The following ABCG5 variants were observed in gnomAD, a reference collection of about 807,000 sequenced individuals.
The protein encoded by ABCG5 is ATP-binding cassette sub-family G member 5.
Under a neutral mutation model 64.5 loss-of-function variants are expected in ABCG5, and 64 were observed. The observed-to-expected ratio is 0.99, with a 90% CI of 0.81 to 1.22. ABCG5 has a LOEUF of 1.22. ABCG5 is among the 50% of genes most tolerant of loss of function. The probability of loss-of-function intolerance (pLI) is 0.00; values close to 1 mark genes in which losing one functional copy is unlikely to be tolerated. For synonymous variants in ABCG5, 385 were observed against 326.3 expected, an observed-to-expected ratio of 1.18 and a Z score of -1.94; for missense variants, 908 against 829.5, an observed-to-expected ratio of 1.09 and a Z score of -1.16.
At chr2:43,819,504 T>G (rs1455954659) in intron 11 of ABCG5, among the ~76,000 whole-genome samples, 1 of 151,774 alleles carries the variant, frequency 6.6e-6, no homozygotes, top group East Asian at 1.9e-4. Flanking sequence ...GTCTGACTAG[T>G]CTTAATTCCT....
chr2:43,818,390 G>A (rs1317903320), intron 11 of ABCG5, among the ~76,000 whole-genome samples: 1 of 152,230 alleles, frequency 6.6e-6, no homozygotes, highest in African/African-American at 2.4e-5. Context: ...GTTGCAGTGA[G>A]CTGAGATCGC....
downstream of ABCG5, among the ~76,000 whole-genome samples, chr2:43,807,658 A>G (rs1043861804): frequency 2.7e-5 from 4 of 147,316 alleles, no homozygotes; most frequent in East Asian, 6.2e-4. Flanking sequence ...GCCTAAAGCA[A>G]TCCTCCTGAG....
At chr2:43,835,406 A>C (rs1160211376) in intron 2 of ABCG5, among the ~76,000 whole-genome samples, 1 of 152,196 alleles carries the variant, frequency 6.6e-6, no homozygotes, top group South Asian at 2.1e-4. Context: ...AATTTGTTAA[A>C]GGAGAAGAGG....
chr2:43,808,951 C>G (rs1666375009), downstream of ABCG5, among the ~76,000 whole-genome samples: 1 of 143,676 alleles, frequency 7.0e-6, no homozygotes, highest in Non-Finnish European at 1.5e-5. Context: ...AGTAAAATCA[C>G]TGGGACAAAG....
rs1666554255 is a variant in ABCG5, at chr2:43,812,852, A to G, written c.*264T>C. The stretch of plus-strand genomic sequence containing the variant: ...CACACGAGTCTCCCATAGGTTTATG[A>G]ATATTATTTACATTCTTGGGTCCGC... On this transcript the variant is annotated 3_prime_UTR_variant, in exon 13 of 13. Transcript: ENST00000405322. 1 of 478,006 alleles carries G rather than the reference A, an allele frequency of 2.1e-6. No individual in the cohort carries two copies. Among genetic ancestry groups the G allele is most frequent in the African/African-American group, 1.9e-5 (1 of 51,572 alleles). 29.6% of individuals were successfully genotyped at this position (478,006 alleles called of 1,614,324 possible).
chr2:43,830,624 C>T lies in ABCG5; in HGVS notation c.501+1145G>A, dbSNP rs4148175. On this transcript the variant is annotated intron_variant, in intron 4 of 12. Transcript: ENST00000405322. The stretch of plus-strand genomic sequence containing the variant: ...CTGAATTACTTATCAGGATTTTACA[C>T]GCTGTGGGCTGGATTTGCTCAGAAA... Among the ~76,000 whole-genome samples the T allele has an allele frequency of 1.1e-4, 16 of 152,344 alleles. No homozygotes were observed. In the East Asian group the frequency reaches 2.7e-3, roughly 26 times the overall value.
chr2:43,814,872 T>TTA (rs1666716775), intron 11 of ABCG5, among the ~76,000 whole-genome samples: 1 of 152,206 alleles, frequency 6.6e-6, no homozygotes, highest in African/African-American at 2.4e-5. Context: ...CTTTCCTAAC[T>TTA]TACTCTTTTT....
At chr2:43,827,609 G>A (rs1667698390) in intron 5 of ABCG5, among the ~76,000 whole-genome samples, 1 of 152,000 alleles carries the variant, frequency 6.6e-6, no homozygotes, top group Non-Finnish European at 1.5e-5. Context: ...TTTAATTCCT[G>A]CCATTTCATG....
Position 43,832,087 on chromosome 2 carries a change from C to A in ABCG5, c.266-4G>T, listed in dbSNP as rs1318900723. 1 of 1,575,424 alleles carries A rather than the reference C, an allele frequency of 6.3e-7. No homozygotes were observed. On this transcript the variant is annotated splice_region_variant and splice_polypyrimidine_tract_variant and intron_variant, in intron 2 of 12. Transcript: ENST00000405322. The stretch of plus-strand genomic sequence containing the variant: ...AGCAGCGTGGTTTTCCCGGAGCCTG[C>A]GGGGCGACAACAGAAGGCCCTAGAG...
chr2:43,824,573 T>G, intron 7 of ABCG5, 141 bp from the exon 8 acceptor site: 11 of 1,556,142 alleles, frequency 7.1e-6, no homozygotes, highest in Non-Finnish European at 9.5e-6. Context: ...ACCTATAAAA[T>G]CAGAATACTT....
At chr2:43,834,911 A>G (rs1446625087) in intron 2 of ABCG5, among the ~76,000 whole-genome samples, 1 of 152,384 alleles carries the variant, frequency 6.6e-6, no homozygotes, top group Non-Finnish European at 1.5e-5. Flanking sequence ...TGAAGATTTG[A>G]TAGATAATAC....
At chr2:43,824,674 C>T (rs570919445) in intron 7 of ABCG5, 18 of 978,036 alleles carry the variant, frequency 1.8e-5, no homozygotes, top group African/African-American at 3.5e-5. Context: ...AAAGTAGTAG[C>T]AGTGCGCCAG....
chr2:43,820,172 G>A lies in ABCG5; in HGVS notation c.1464-72C>T, dbSNP rs1349175534. On this transcript the variant is annotated intron_variant, in intron 10 of 12. Coordinates refer to ENST00000405322, the MANE Select transcript of ABCG5 (RefSeq NM_022436.3). ...TAAGAAAAATACTGCACTTGCCTCT[G>A]TGAATAAATCCTTTGTGGTGAGTGG... 17 of 1,523,638 alleles carry A rather than the reference G, an allele frequency of 1.1e-5. No homozygotes were observed. In the South Asian group the frequency reaches 1.3e-4, roughly 12 times the overall value. 94.4% of individuals were successfully genotyped at this position (1,523,638 alleles called of 1,614,324 possible).
chr2:43,820,335 C>T (rs1009719888), intron 10 of ABCG5, among the ~76,000 whole-genome samples: 2 of 152,206 alleles, frequency 1.3e-5, no homozygotes, highest in Non-Finnish European at 2.9e-5. Flanking sequence ...CCTTTCACGG[C>T]TCCTTCAGCT....
Position 43,838,074 on chromosome 2 carries a change from ACG to A in ABCG5, c.144-121_144-120del. 7.1e-7 allele frequency: 1 copy of A among 1,418,252 alleles called. No individual in the cohort carries two copies. The highest frequency in any genetic ancestry group is 1.2e-5 in the South Asian group (1 of 83,656). 87.9% of individuals were successfully genotyped at this position (1,418,252 alleles called of 1,614,324 possible). On this transcript the variant is annotated intron_variant, in intron 1 of 12. Transcript: ENST00000405322. The surrounding 1 kb of genome is among the most constrained non-coding windows in gnomAD (Gnocchi z 4.2). ...CCAGTAGTCTCCGGACAGGCTCCTAACGTGTTTCAGTCTCTGCGCCCTCCTCT... is the reference window on the plus strand; with the variant it reads ...CCAGTAGTCTCCGGACAGGCTCCTAATGTTTCAGTCTCTGCGCCCTCCTCT...
At chr2:43,828,178 G>T (rs1200124190) in intron 4 of ABCG5, 63 bp from the exon 5 acceptor site, 13 of 1,609,268 alleles carry the variant, frequency 8.1e-6, no homozygotes, top group African/African-American at 1.3e-5. Context: ...CAATTCATGG[G>T]CTGGGGAGGA....
rs540876449 is a variant in ABCG5 at position 43,815,575 on chromosome 2, G to A, written c.1650-986C>T. Among the ~76,000 whole-genome samples, 8 of 152,320 alleles carry A rather than the reference G, an allele frequency of 5.3e-5. No individual in the cohort carries two copies. In the East Asian group the frequency reaches 1.4e-3, roughly 26 times the overall value. On this transcript the variant is annotated intron_variant, in intron 11 of 12. Coordinates refer to ENST00000405322, the MANE Select transcript of ABCG5 (RefSeq NM_022436.3). ...CACAACATTGAATTAACCACATTGA[G>A]AGGTTGCTAATTGAAAAGGATACGT...
At chr2:43,806,233 A>C in the ABCG5 span, among the ~76,000 whole-genome samples, 1 of 152,182 alleles carries the variant, frequency 6.6e-6, no homozygotes, top group African/African-American at 2.4e-5. Context: ...TTTATTTGAT[A>C]AAATGAGACG....
At chr2:43,813,708 C>CCTT (rs1558715512) in intron 12 of ABCG5, among the ~76,000 whole-genome samples, 2 of 35,372 alleles carry the variant, frequency 5.7e-5, no homozygotes, top group African/African-American at 1.0e-4. Flanking sequence ...TTTTTTTTTT[C>CCTT]GTTTTTTTTT....
Sources: gnomAD v4.1 joint callset for allele counts (sites outside exome capture counted in the v4.1 genomes callset) on GRCh38, gnomAD v4.1.1 for gene constraint, Gnocchi (gnomAD v3.1) non-coding constraint, MANE v1.5 for transcripts, NCBI Gene and HGNC (gene_info 2026-07-23, HGNC 2026-07-21) for gene names.